EFCAB12: variants seen among roughly 807,000 people sequenced by gnomAD.
The protein encoded by EFCAB12 is EF-hand calcium-binding domain-containing protein 12.
In EFCAB12, 43 loss-of-function variants were observed where a neutral mutation model predicts 53.6. The ratio of observed to expected loss-of-function variants is 0.80; its 90% CI spans 0.63 to 1.03. EFCAB12 has a LOEUF of 1.03. EFCAB12 is among the 50% of genes least tolerant of loss of function. The pLI is 0.00. For missense variants in EFCAB12, 646 were observed against 730.6 expected, an observed-to-expected ratio of 0.88 and a Z score of 1.34; for synonymous variants, 269 against 289.2, an observed-to-expected ratio of 0.93 and a Z score of 0.71.
chr3:129,411,013 T>A (rs1024344052), intron 5 of EFCAB12, 145 bp downstream of exon 5: 1 of 790,130 alleles, frequency 1.3e-6, no homozygotes, highest in African/African-American at 1.8e-5. Context: ...ATTTTACAGA[T>A]GAGGGACGTG....
chr3:129,409,732 T>C (rs370441317), intron 5 of EFCAB12, among the ~76,000 whole-genome samples: 17 of 152,336 alleles, frequency 1.1e-4, no homozygotes, highest in African/African-American at 3.8e-4. Flanking sequence ...GTTAAGGTGC[T>C]GTCTGTGGCT....
chr3:129,404,733 A>G (rs986354220), intron 6 of EFCAB12, among the ~76,000 whole-genome samples: 5 of 152,060 alleles, frequency 3.3e-5, no homozygotes, highest in African/African-American at 1.2e-4. Context: ...CAAAGCCCCC[A>G]AGGCCCCGGT....
intron 1 of EFCAB12, among the ~76,000 whole-genome samples, chr3:129,426,458 G>A (rs775387922): frequency 2.9e-5 from 4 of 137,798 alleles, no homozygotes; most frequent in Non-Finnish European, 6.1e-5. Context: ...TCTGCCTCCC[G>A]GGTTCACGCC....
In EFCAB12 at chr3:129,421,451, A is replaced by G; in HGVS notation, c.402T>C (p.Pro134=). 1.2e-6 allele frequency: 2 copies of G among 1,614,004 alleles called. No homozygotes were observed. Among genetic ancestry groups the G allele is most frequent in the Non-Finnish European group, 1.7e-6 (2 of 1,179,892 alleles). ...RWLENKPSIT[P]SEAKVLHMIH... Reference sequence around the variant, plus strand: ...TCATGTGTAAGACCTTGGCCTCTGAAGGCGTGATGCTGGGCTTGTTCTCCA... The same window carrying G: ...TCATGTGTAAGACCTTGGCCTCTGAGGGCGTGATGCTGGGCTTGTTCTCCA... The change falls in exon 2 of 9, where the codon CCT becomes CCC. Residue 134 remains proline (P), a synonymous_variant. Coordinates refer to ENST00000505956, the MANE Select transcript of EFCAB12 (RefSeq NM_207307.3).
intron 6 of EFCAB12, 62 bp from the exon 7 acceptor site, chr3:129,404,465 C>G: frequency 6.8e-7 from 1 of 1,466,330 alleles, no homozygotes; most frequent in East Asian, 2.4e-5. Flanking sequence ...CTCCCTAAGC[C>G]TCTGGGGTCA....
rs1487529706 is a variant in EFCAB12 at position 129,411,205 on chromosome 3, TCTC to T, written c.985_987del (p.Glu329del). 2 of 1,612,794 alleles carry T rather than the reference TCTC, an allele frequency of 1.2e-6. No individual in the cohort carries two copies. Among genetic ancestry groups the T allele is most frequent in the African/African-American group, 2.7e-5 (2 of 74,878 alleles). On this transcript the variant is annotated inframe_deletion, in exon 5 of 9. Transcript: ENST00000505956. ...CGGTACCGCTTGCCCACTTCCTCCA[TCTC>T]CTCCAGGGTCATGGGCCGCGTCTCC... is the stretch of plus-strand genomic sequence containing the variant.
In EFCAB12 at chr3:129,428,558, G is replaced by T; in HGVS notation, c.-70C>A. 6.5e-7 allele frequency: 1 copy of T among 1,543,828 alleles called. No homozygotes were observed. On this transcript the variant is annotated 5_prime_UTR_variant, in exon 1 of 9. Transcript: ENST00000505956. ...GTGTCGATGTGGGCTTGCTTGCGTA[G>T]GGGTACCGGGGTATCAGATAAACCG... is the stretch of plus-strand genomic sequence containing the variant.
intron 4 of EFCAB12, chr3:129,412,217 AT>A (rs1157068882): frequency 6.6e-6 from 1 of 152,076 alleles, no homozygotes; most frequent in African/African-American, 2.4e-5. Context: ...CCCCCCAAAA[AT>A]ATATATACAC....
intron 7 of EFCAB12, 62 bp downstream of exon 7, chr3:129,404,188 A>G (rs2071914435): frequency 1.3e-6 from 2 of 1,562,768 alleles, no homozygotes; most frequent in African/African-American, 1.4e-5. Flanking sequence ...CAGCCCCCAC[A>G]CTGAAGGGAT....
At chr3:129,417,356 C>CA (rs2072131055) in intron 3 of EFCAB12, among the ~76,000 whole-genome samples, 2 of 123,400 alleles carry the variant, frequency 1.6e-5, no homozygotes, top group East Asian at 3.2e-4. Flanking sequence ...AAAAAAAACC[C>CA]AAAACCAAAA....
intron 5 of EFCAB12, 137 bp downstream of exon 5, chr3:129,411,021 G>C (rs1156354522): frequency 1.2e-6 from 1 of 849,552 alleles, no homozygotes; most frequent in African/African-American, 1.7e-5. Flanking sequence ...GATGAGGGAC[G>C]TGAAGAAGGG....
intron 1 of EFCAB12, among the ~76,000 whole-genome samples, chr3:129,427,408 C>T (rs958574989): frequency 1.3e-5 from 2 of 152,152 alleles, no homozygotes; most frequent in Non-Finnish European, 2.9e-5. Flanking sequence ...CTCCATCTAC[C>T]AGGTCCCCCA....
At chr3:129,421,944 G>T in intron 1 of EFCAB12, 141 bp from the exon 2 acceptor site, 1 of 885,914 alleles carries the variant, frequency 1.1e-6, no homozygotes, top group South Asian at 1.9e-5. Flanking sequence ...TGCTGTAATC[G>T]TAAGGATAAT....
rs771078214 is a variant in EFCAB12 at position 129,404,252 on chromosome 3, G to T, written c.1401C>A (p.Asp467Glu). The change falls in exon 7 of 9, where the codon GAC becomes GAA. Residue 467 changes from aspartate to glutamate, a missense_variant and splice_region_variant. Transcript: ENST00000505956. ...SQGPGKSKRT[D>E]KKTPKKSKKM... ...AGAAAGGGGGTCCGAAACTCAGCTT[G>T]TCAGTCCTCTTAGACTTGCCAGGGC... is the stretch of plus-strand genomic sequence containing the variant. The T allele has an allele frequency of 1.4e-5, 23 of 1,612,382 alleles. No individual in the cohort carries two copies. Among genetic ancestry groups the T allele is most frequent in the Admixed American group, 5.0e-5 (3 of 59,796 alleles).
rs1405854632 is a variant in EFCAB12, at chr3:129,418,304, C to G, written c.631G>C (p.Gly211Arg). Reference sequence around the variant, plus strand: ...TCCCTGGTGATTCTCTGGTTCTCACCCTGGCCCACCTTGTGAAATATCTCC... The same window carrying G: ...TCCCTGGTGATTCTCTGGTTCTCACGCTGGCCCACCTTGTGAAATATCTCC... The part of the protein sequence containing the change: ...ILEIFHKVGQ[G>R]ENQRITREEF... The change falls in exon 3 of 9, where the codon GGT becomes CGT. Residue 211 changes from glycine to arginine, a missense_variant. Transcript: ENST00000505956. 1 of 1,613,266 alleles carries G rather than the reference C, an allele frequency of 6.2e-7. No homozygotes were observed. The highest frequency in any genetic ancestry group is 8.5e-7 in the Non-Finnish European group (1 of 1,179,428).
intron 7 of EFCAB12, chr3:129,403,715 T>TA (rs1189833572): frequency 6.6e-6 from 1 of 152,350 alleles, no homozygotes; most frequent in African/African-American, 2.4e-5. Context: ...GCTCAGGCTT[T>TA]GGAGTACCAA....
intron 6 of EFCAB12, among the ~76,000 whole-genome samples, chr3:129,408,164 G>A (rs2071978528): frequency 6.6e-6 from 1 of 152,202 alleles, no homozygotes; most frequent in Non-Finnish European, 1.5e-5. Flanking sequence ...AGCAGGTCCT[G>A]TCTCCACGTG....
In EFCAB12 at chr3:129,408,352, C is replaced by T. The variant is rs748893426; in HGVS notation, c.1249+293G>A. 2.0e-5 allele frequency among the ~76,000 whole-genome samples: 3 copies of T among 152,244 alleles called. No individual in the cohort carries two copies. The South Asian group carries it at 6.2e-4, about 31-fold the overall frequency. ...GAACTCCTGTCCTTGGAGCTTTCTA[C>T]TCTAGAATGAGCTTTTGGTTCACCA... On this transcript the variant is annotated intron_variant, in intron 6 of 8. Coordinates refer to ENST00000505956, the MANE Select transcript of EFCAB12 (RefSeq NM_207307.3).
chr3:129,411,244 C>T lies in EFCAB12; in HGVS notation c.949G>A (p.Asp317Asn), dbSNP rs75410160. ...ATGGGCCGCGTCTCCATCTGCGTGT[C>T]GACTGCAGGCACCGTCAGTAGGTCC... ...KVDLLTVPAV[D>N]TQMETRPMTL... The change falls in exon 5 of 9, where the codon GAC (aspartate) becomes AAC (asparagine). Residue 317 changes from aspartate to asparagine, a missense_variant. By Grantham distance (23) the Asp-to-Asn change is conservative (BLOSUM62 1). Coordinates refer to ENST00000505956, the MANE Select transcript of EFCAB12 (RefSeq NM_207307.3). The T allele has an allele frequency of 8.4e-3, 13,623 of 1,613,794 alleles. 562 individuals carry two copies. The East Asian group carries it at 0.15, about 17-fold the overall frequency.
Sources: allele counts gnomAD v4.1 joint callset (sites outside exome capture counted in the v4.1 genomes callset), GRCh38; gene constraint gnomAD v4.1.1; transcripts MANE v1.5; gene names NCBI Gene and HGNC (gene_info 2026-07-23, HGNC 2026-07-21).